MET: variants seen among roughly 807,000 people sequenced by gnomAD.
MET encodes the protein MET proto-oncogene, receptor tyrosine kinase.
In MET, 48 loss-of-function variants were observed where a neutral mutation model predicts 133.1. The observed-to-expected ratio is 0.36, with a 90% CI of 0.29 to 0.46. The LOEUF is 0.46. MET is among the 20% of genes least tolerant of loss of function. MET has a pLI of 1.00. For missense variants in MET, 1,442 were observed against 1,695.9 expected (o/e 0.85, Z 2.63); for synonymous variants, 628 against 616.5 (o/e 1.02, Z -0.28).
At chr7:116,693,350 G>A (rs1796840601) in intron 1 of MET, among the ~76,000 whole-genome samples, 3 of 152,170 alleles carry the variant, frequency 2.0e-5, no homozygotes, top group South Asian at 2.1e-4. Flanking sequence ...CAGCCACCAT[G>A]GCTGATTTTA....
intron 19 of MET, among the ~76,000 whole-genome samples, chr7:116,789,078 G>A (rs1795404837): frequency 6.6e-6 from 1 of 152,082 alleles, no homozygotes; most frequent in South Asian, 2.1e-4. Flanking sequence ...TAACATTATT[G>A]TAACCCTCAT....
rs1348841679 is a variant in MET at position 116,740,035 on chromosome 7, A to C, written c.1478A>C (p.Glu493Ala). The change falls in exon 4 of 21, where the codon GAG (glutamate) becomes GCG (alanine). Residue 493 changes from glutamate (E) to alanine (A), a missense_variant. Transcript: ENST00000397752. ...SHPVSPEVIV[E>A]HTLNQNGYTL... Reference sequence around the variant, plus strand: ...CCAGTGTCTCCAGAAGTGATTGTGGAGCATACATTAAACCAAAATGGCTAC... The same window carrying C: ...CCAGTGTCTCCAGAAGTGATTGTGGCGCATACATTAAACCAAAATGGCTAC... 1.2e-6 allele frequency: 2 copies of C among 1,614,032 alleles called. No individual in the cohort carries two copies. Among genetic ancestry groups the C allele is most frequent in the Non-Finnish European group, 1.7e-6 (2 of 1,180,008 alleles).
chr7:116,756,790 C>T (rs1235692400), intron 6 of MET, among the ~76,000 whole-genome samples: 1 of 152,182 alleles, frequency 6.6e-6, no homozygotes, highest in Non-Finnish European at 1.5e-5. Flanking sequence ...GTTTCATATG[C>T]ATCTGAAGTG....
intron 2 of MET, among the ~76,000 whole-genome samples, chr7:116,709,978 G>T (rs1584888808): frequency 6.6e-6 from 1 of 152,232 alleles, no homozygotes; most frequent in Non-Finnish European, 1.5e-5. Flanking sequence ...CTGATAATTT[G>T]TTAAATGTAA....
chr7:116,752,422 C>T (rs1793958228), intron 5 of MET, among the ~76,000 whole-genome samples: 1 of 152,174 alleles, frequency 6.6e-6, no homozygotes, highest in African/African-American at 2.4e-5. Context: ...AGGTAGGAGA[C>T]CCAGCCTCTG....
At chr7:116,720,495 T>A (rs1792438453) in intron 2 of MET, among the ~76,000 whole-genome samples, 1 of 130,108 alleles carries the variant, frequency 7.7e-6, no homozygotes, top group African/African-American at 3.2e-5. Flanking sequence ...CCTGCCTGAT[T>A]GCCCTGGCCA....
At chr7:116,686,125 C>T (rs1362634590) in intron 1 of MET, among the ~76,000 whole-genome samples, 1 of 151,980 alleles carries the variant, frequency 6.6e-6, no homozygotes, top group Non-Finnish European at 1.5e-5. Flanking sequence ...CCAACATAAT[C>T]CCCCCTTGTT....
At position 116,798,043 on chromosome 7, in the gene MET, G is replaced by A. The variant is rs941835625; in HGVS notation, c.*1919G>A. On this transcript the variant is annotated 3_prime_UTR_variant, in exon 21 of 21. Coordinates refer to ENST00000397752, the MANE Select transcript of MET (RefSeq NM_000245.4). ...ACTAATTCACAGAGTATTGTAAATG[G>A]TGGATGACAAAAGAAAATCTGCTCT... 1.4e-5 allele frequency: 3 copies of A among 221,486 alleles called. No homozygotes were observed. The highest frequency in any genetic ancestry group is 2.2e-5 in the African/African-American group (1 of 44,736). The allele number at this position is 221,486 out of a possible 1,614,324, so 13.7% of individuals were successfully genotyped here. A position where few individuals can be genotyped will look rare whatever the true frequency, so the allele number is the denominator to read the frequency against.
chr7:116,729,965 G>A (rs978415600), intron 2 of MET, among the ~76,000 whole-genome samples: 8 of 152,176 alleles, frequency 5.3e-5, no homozygotes, highest in African/African-American at 1.7e-4. Flanking sequence ...GTCCCTGATC[G>A]CAGCGAGCTG....
intron 1 of MET, among the ~76,000 whole-genome samples, chr7:116,682,469 A>T (rs1248129894): frequency 6.6e-6 from 1 of 152,210 alleles, no homozygotes; most frequent in Non-Finnish European, 1.5e-5. Context: ...TTCCTTGCAG[A>T]ATTCAATAAA....
intron 1 of MET, among the ~76,000 whole-genome samples, chr7:116,691,727 A>G (rs1487699547): frequency 6.6e-6 from 1 of 152,106 alleles, no homozygotes; most frequent in Non-Finnish European, 1.5e-5. Context: ...CCAAGTTAAC[A>G]TCATCTTTAG....
intron 2 of MET, among the ~76,000 whole-genome samples, chr7:116,710,036 A>G (rs1791935099): frequency 6.6e-6 from 1 of 152,222 alleles, no homozygotes; most frequent in South Asian, 2.1e-4. Flanking sequence ...GAATAAATGT[A>G]TTAGTAAGAG....
At chr7:116,750,022 A>G (rs1052089014) in intron 5 of MET, among the ~76,000 whole-genome samples, 2 of 152,244 alleles carry the variant, frequency 1.3e-5, no homozygotes, top group African/African-American at 4.8e-5. Flanking sequence ...TAATTTATAC[A>G]TTCAATGCTA....
At chr7:116,720,927 G>A (rs1792459259) in intron 2 of MET, among the ~76,000 whole-genome samples, 2 of 148,180 alleles carry the variant, frequency 1.3e-5, no homozygotes, top group Admixed American at 1.4e-4. Context: ...TGTTCATCAA[G>A]GATATTGGTC....
At chr7:116,738,983 A>G (rs936968640) in intron 3 of MET, among the ~76,000 whole-genome samples, 4 of 152,216 alleles carry the variant, frequency 2.6e-5, no homozygotes, top group Non-Finnish European at 5.9e-5. Context: ...GTAAAAGGCT[A>G]TTAGAGATGT....
rs186990910 is a variant in MET at position 116,679,253 on chromosome 7, G to A, written c.-15+6676G>A. Among the ~76,000 whole-genome samples the A allele has an allele frequency of 1.9e-3, 283 of 152,238 alleles. 2 individuals are homozygous for A. The highest frequency in any genetic ancestry group is 4.6e-4 in the Non-Finnish European group (31 of 68,002). ...GCCCAGAAACTTCTAGCTAATGTCA[G>A]TTCTTCTATTCAATATTGATATCCA... On this transcript the variant is annotated intron_variant, in intron 1 of 20. Transcript: ENST00000397752.
In MET at chr7:116,741,050, A is replaced by G. The variant is rs73469198; in HGVS notation, c.1701+25A>G. Reference sequence around the variant, plus strand: ...GGTAGGAATCTCTAACAGCTGGCATACATGTTTTTGTTTGGTGTTTTTTTT... The same window carrying G: ...GGTAGGAATCTCTAACAGCTGGCATGCATGTTTTTGTTTGGTGTTTTTTTT... On this transcript the variant is annotated intron_variant, in intron 5 of 20. Coordinates refer to ENST00000397752, the MANE Select transcript of MET (RefSeq NM_000245.4). The G allele has an allele frequency of 5.3e-3, 8,568 of 1,606,758 alleles. 383 individuals are homozygous for G. The African/African-American group carries it at 0.099, about 19-fold the overall frequency.
chr7:116,700,957 G>A (rs1055505715), intron 2 of MET, among the ~76,000 whole-genome samples: 1 of 152,170 alleles, frequency 6.6e-6, no homozygotes, highest in African/African-American at 2.4e-5. Flanking sequence ...ACTTCCTTCT[G>A]GAAAAGACTT....
At chr7:116,734,497 G>A (rs1382342598) in intron 3 of MET, among the ~76,000 whole-genome samples, 1 of 152,186 alleles carries the variant, frequency 6.6e-6, no homozygotes, top group Non-Finnish European at 1.5e-5. Context: ...ACAACATTTT[G>A]TGTATGGCAG....
Sources: gnomAD v4.1 joint callset for allele counts (sites outside exome capture counted in the v4.1 genomes callset) on GRCh38, gnomAD v4.1.1 for gene constraint, MANE v1.5 for transcripts, NCBI Gene and HGNC (gene_info 2026-07-23, HGNC 2026-07-21) for gene names.